The following TMEM178A variants were observed in gnomAD, a reference collection of about 807,000 sequenced individuals.
The protein encoded by TMEM178A is transmembrane protein 178.
Under a neutral mutation model 29.1 loss-of-function variants are expected in TMEM178A, and 12 were observed. That is an observed-to-expected ratio of 0.41 (90% CI 0.26 to 0.67). The LOEUF is 0.67. Ranked by LOEUF, TMEM178A falls within the 30% of genes least tolerant of loss-of-function variation. The probability of loss-of-function intolerance (pLI) is 0.29; values close to 1 mark genes in which losing one functional copy is unlikely to be tolerated. For synonymous variants in TMEM178A, 210 were observed against 187.2 expected, an observed-to-expected ratio of 1.12 and a Z score of -0.99; for missense variants, 366 against 419.1, an observed-to-expected ratio of 0.87 and a Z score of 1.11.
the TMEM178A span, among the ~76,000 whole-genome samples, chr2:39,730,411 T>G: frequency 6.6e-6 from 1 of 152,102 alleles, no homozygotes; most frequent in Non-Finnish European, 1.5e-5. Flanking sequence ...CTGTAACATA[T>G]CATGTGTCCC....
chr2:39,677,280 C>T (rs1212910317), intron 1 of TMEM178A, among the ~76,000 whole-genome samples: 2 of 152,114 alleles, frequency 1.3e-5, no homozygotes, highest in Non-Finnish European at 2.9e-5. Context: ...CTGTTCAAGC[C>T]AGGCTATGAC....
At chr2:39,733,255 A>G in the TMEM178A span, among the ~76,000 whole-genome samples, 67 of 152,324 alleles carry the variant, frequency 4.4e-4, 2 homozygotes, top group Non-Finnish European at 7.6e-4. Flanking sequence ...TTTCTGTAAT[A>G]GGCATTAAAT....
At chr2:39,707,321 G>T in intron 3 of TMEM178A, 135 bp downstream of exon 3, 1 of 1,133,864 alleles carries the variant, frequency 8.8e-7, no homozygotes, top group East Asian at 2.7e-5. Flanking sequence ...GGTCATTTTG[G>T]CTTTGCTGGA....
At chr2:39,702,236 G>A (rs975971753) in intron 1 of TMEM178A, among the ~76,000 whole-genome samples, 28 of 152,142 alleles carry the variant, frequency 1.8e-4, no homozygotes, top group African/African-American at 5.8e-4. Context: ...TTTCCTGAAC[G>A]AATCCTATGA....
the TMEM178A span, among the ~76,000 whole-genome samples, chr2:39,728,330 A>G: frequency 2.0e-5 from 3 of 152,248 alleles, no homozygotes; most frequent in Non-Finnish European, 4.4e-5. Context: ...TTACACAGGA[A>G]GTCGGTGTCT....
At chr2:39,716,883 G>C in intron 3 of TMEM178A, 127 bp from the exon 4 acceptor site, 2 of 1,169,346 alleles carry the variant, frequency 1.7e-6, no homozygotes, top group Non-Finnish European at 2.4e-6. Flanking sequence ...AAATAATTAT[G>C]GATCATTTGT....
downstream of TMEM178A, among the ~76,000 whole-genome samples, chr2:39,718,763 C>T (rs116249345): frequency 0.018 from 2,704 of 152,144 alleles, 42 homozygotes; most frequent in Non-Finnish European, 0.027. Flanking sequence ...GCTTATCTTT[C>T]AGCGGAGGGT....
chr2:39,678,945 C>G (rs1233785854), intron 1 of TMEM178A, among the ~76,000 whole-genome samples: 1 of 152,222 alleles, frequency 6.6e-6, no homozygotes, highest in Non-Finnish European at 1.5e-5. Flanking sequence ...TCTTGTCCAT[C>G]TGGACAGCAT....
intron 1 of TMEM178A, among the ~76,000 whole-genome samples, chr2:39,695,278 C>T (rs1007610581): frequency 6.6e-6 from 1 of 152,080 alleles, no homozygotes; most frequent in African/African-American, 2.4e-5. Context: ...TTAACTCTTT[C>T]TGCTAGAGAA....
At chr2:39,735,140 T>C in the TMEM178A span, among the ~76,000 whole-genome samples, 20 of 152,262 alleles carry the variant, frequency 1.3e-4, no homozygotes, top group African/African-American at 4.8e-4. Context: ...GCCCTTAAAA[T>C]AGTCTTCAAG....
intron 1 of TMEM178A, among the ~76,000 whole-genome samples, chr2:39,686,053 T>C (rs1671064381): frequency 6.6e-6 from 1 of 152,252 alleles, no homozygotes; most frequent in Admixed American, 6.5e-5. Context: ...AGTGGTGCTC[T>C]CTGAGACCTT....
At chr2:39,675,136 A>G (rs952850542) in intron 1 of TMEM178A, among the ~76,000 whole-genome samples, 1 of 152,170 alleles carries the variant, frequency 6.6e-6, no homozygotes, top group African/African-American at 2.4e-5. Context: ...TTAATTTATG[A>G]GACAGAATAT....
intron 3 of TMEM178A, 61 bp from the exon 4 acceptor site, chr2:39,716,949 C>T (rs889169067): frequency 1.9e-6 from 3 of 1,554,022 alleles, no homozygotes; most frequent in African/African-American, 2.7e-5. Context: ...GCCTGTCTGG[C>T]ATTTGTCTTG....
the TMEM178A span, among the ~76,000 whole-genome samples, chr2:39,735,465 C>T: frequency 6.6e-6 from 1 of 152,174 alleles, no homozygotes; most frequent in Non-Finnish European, 1.5e-5. Context: ...TGGTGTTTCC[C>T]AGAGCATCAG....
intron 1 of TMEM178A, among the ~76,000 whole-genome samples, chr2:39,683,138 T>C (rs1670939423): frequency 6.6e-6 from 1 of 152,220 alleles, no homozygotes; most frequent in Non-Finnish European, 1.5e-5. Flanking sequence ...TACAGGCAAA[T>C]GCCACTTTAT....
upstream of TMEM178A, chr2:39,665,757 CG>C (rs1670113888): frequency 6.6e-6 from 2 of 303,126 alleles, no homozygotes; most frequent in Non-Finnish European, 5.2e-6. Flanking sequence ...GCTAGGAGCC[CG>C]GGGGCCGGGC....
At chr2:39,719,768 A>G (rs1203108342), downstream of TMEM178A, among the ~76,000 whole-genome samples, 1 of 151,958 alleles carries the variant, frequency 6.6e-6, no homozygotes, top group African/African-American at 2.4e-5. Flanking sequence ...GCTGTATTAG[A>G]ACCAGTGTTG....
chr2:39,677,226 T>C (rs1670669265), intron 1 of TMEM178A, among the ~76,000 whole-genome samples: 2 of 152,062 alleles, frequency 1.3e-5, no homozygotes, highest in Non-Finnish European at 2.9e-5. Context: ...TTTCTGAATA[T>C]CTCCCTTCAC....
At position 39,716,992 on chromosome 2, in the gene TMEM178A, T is replaced by G. The variant is rs751107888; in HGVS notation, c.653-18T>G. 4.4e-6 allele frequency: 7 copies of G among 1,604,062 alleles called. No individual in the cohort carries two copies. In the Admixed American group the frequency reaches 5.1e-5, roughly 12 times the overall value. On this transcript the variant is annotated intron_variant, in intron 3 of 3. Coordinates refer to ENST00000281961, the MANE Select transcript of TMEM178A (RefSeq NM_152390.3). ...CAAACTGTAACTAATCATTCTGTTCTCTTTGTATTATTTATAGGGATATTT... is the reference window on the plus strand; with the variant it reads ...CAAACTGTAACTAATCATTCTGTTCGCTTTGTATTATTTATAGGGATATTT...
Sources: allele counts gnomAD v4.1 joint callset (sites outside exome capture counted in the v4.1 genomes callset), GRCh38; gene constraint gnomAD v4.1.1; transcripts MANE v1.5; gene names NCBI Gene and HGNC (gene_info 2026-07-23, HGNC 2026-07-21).